CNTN5: variants seen among roughly 807,000 people sequenced by gnomAD.
CNTN5 encodes the protein contactin-5.
CNTN5 carries 77 observed loss-of-function variants against 129.1 expected under a neutral mutation model. That is an observed-to-expected ratio of 0.60 (90% CI 0.50 to 0.72). The LOEUF is 0.72. CNTN5 is among the 30% of genes least tolerant of loss of function. CNTN5 has a pLI of 0.00. For missense variants in CNTN5, 1,478 were observed against 1,328.8 expected, an observed-to-expected ratio of 1.11 and a Z score of -1.75; for synonymous variants, 509 against 465.6, an observed-to-expected ratio of 1.09 and a Z score of -1.20.
At chr11:99,746,744 G>A (rs768162352) in intron 3 of CNTN5, among the ~76,000 whole-genome samples, 18 of 152,134 alleles carry the variant, frequency 1.2e-4, no homozygotes, top group East Asian at 1.9e-4. Context: ...AATTGTCTTC[G>A]ACGAAACCAG....
intron 1 of CNTN5, among the ~76,000 whole-genome samples, chr11:99,144,955 A>T (rs1859704884): frequency 6.6e-6 from 1 of 151,936 alleles, no homozygotes; most frequent in South Asian, 2.1e-4. Flanking sequence ...ATTCCTTCAG[A>T]GGTGTCATGT....
At chr11:99,362,882 T>C (rs1414259860) in intron 2 of CNTN5, among the ~76,000 whole-genome samples, 1 of 150,706 alleles carries the variant, frequency 6.6e-6, no homozygotes, top group Non-Finnish European at 1.5e-5. Context: ...TCTGTAGGTC[T>C]GTACTTAGGA....
chr11:99,856,788 C>T lies in CNTN5; in HGVS notation c.577+11526C>T, dbSNP rs1456037039. On this transcript the variant is annotated intron_variant, in intron 6 of 24. Coordinates refer to ENST00000524871, the MANE Select transcript of CNTN5 (RefSeq NM_014361.4). ...TAAAGTTCACACTCCTACAAATGGC[C>T]TCAAGACCATTTATTATTTGGACTC... is the stretch of plus-strand genomic sequence containing the variant. Among the ~76,000 whole-genome samples, 3 of 152,130 alleles carry T rather than the reference C, an allele frequency of 2.0e-5. No individual in the cohort carries two copies. The East Asian group carries it at 5.8e-4, about 29-fold the overall frequency.
At chr11:100,241,693 G>A (rs1949744893) in intron 16 of CNTN5, among the ~76,000 whole-genome samples, 1 of 152,168 alleles carries the variant, frequency 6.6e-6, no homozygotes, top group South Asian at 2.1e-4. Context: ...CTTTGTATAA[G>A]GCTTGTGTGG....
At chr11:100,140,594 C>G (rs1285976316) in intron 13 of CNTN5, among the ~76,000 whole-genome samples, 1 of 151,896 alleles carries the variant, frequency 6.6e-6, no homozygotes, top group Non-Finnish European at 1.5e-5. Flanking sequence ...GTTTTAATTA[C>G]TAGTAAAGGA....
chr11:99,664,149 T>G (rs1952699329), intron 3 of CNTN5, among the ~76,000 whole-genome samples: 1 of 152,184 alleles, frequency 6.6e-6, no homozygotes, highest in African/African-American at 2.4e-5. Context: ...ACTGTGTTCA[T>G]TATATTCTTT....
intron 2 of CNTN5, among the ~76,000 whole-genome samples, chr11:99,475,985 G>A (rs1437446784): frequency 6.6e-6 from 1 of 151,842 alleles, no homozygotes; most frequent in Non-Finnish European, 1.5e-5. Flanking sequence ...TTTGCTTAAT[G>A]CAAATTCCTG....
At chr11:99,103,934 G>T (rs1317241004) in intron 1 of CNTN5, among the ~76,000 whole-genome samples, 1 of 152,126 alleles carries the variant, frequency 6.6e-6, no homozygotes, top group Non-Finnish European at 1.5e-5. Flanking sequence ...AAACACTGTG[G>T]CTTGGCTGAA....
At chr11:99,255,285 A>G (rs6589988) in intron 1 of CNTN5, among the ~76,000 whole-genome samples, 48,854 of 151,550 alleles carry the variant, frequency 0.32, 8,063 homozygotes, top group Middle Eastern at 0.36. Context: ...GTAATTAAGC[A>G]TATAGTTATT....
chr11:99,191,839 A>G (rs1188041838), intron 1 of CNTN5, among the ~76,000 whole-genome samples: 1 of 151,830 alleles, frequency 6.6e-6, no homozygotes, highest in Admixed American at 6.6e-5. Flanking sequence ...AGTTTATAGC[A>G]ATAAATGTCC....
intron 18 of CNTN5, among the ~76,000 whole-genome samples, chr11:100,280,165 A>G (rs1950604660): frequency 6.6e-6 from 1 of 151,946 alleles, no homozygotes; most frequent in Admixed American, 6.6e-5. Context: ...CAGTCATTGG[A>G]TAAAATGTTT....
intron 15 of CNTN5, among the ~76,000 whole-genome samples, chr11:100,197,657 C>T (rs1424146731): frequency 6.6e-6 from 1 of 151,910 alleles, no homozygotes; most frequent in Non-Finnish European, 1.5e-5. Context: ...CTGTGCTGAG[C>T]CACTGTTTTC....
At chr11:99,811,819 A>T (rs1301105829) in intron 3 of CNTN5, among the ~76,000 whole-genome samples, 4 of 152,128 alleles carry the variant, frequency 2.6e-5, no homozygotes. Context: ...ACTTTAACAC[A>T]TGCTCCCTAA....
intron 6 of CNTN5, among the ~76,000 whole-genome samples, chr11:99,888,929 A>C (rs1948972011): frequency 6.6e-6 from 1 of 152,192 alleles, no homozygotes; most frequent in Non-Finnish European, 1.5e-5. Context: ...CACAGTTTTG[A>C]GTTGTCAAGA....
chr11:99,085,496 A>T (rs560004910), intron 1 of CNTN5, among the ~76,000 whole-genome samples: 8 of 152,256 alleles, frequency 5.3e-5, no homozygotes, highest in Non-Finnish European at 1.2e-4. Flanking sequence ...GCCTTGTAAG[A>T]GTTTTTCTAA....
At chr11:99,687,373 C>T (rs1321009502) in intron 3 of CNTN5, among the ~76,000 whole-genome samples, 4 of 152,080 alleles carry the variant, frequency 2.6e-5, no homozygotes, top group Admixed American at 2.6e-4. Context: ...TCTGGGTAAA[C>T]ATAAAGTAGT....
chr11:99,231,699 C>A (rs1861008543), intron 1 of CNTN5, among the ~76,000 whole-genome samples: 1 of 151,948 alleles, frequency 6.6e-6, no homozygotes, highest in East Asian at 1.9e-4. Context: ...TTGCTTTTAA[C>A]ATTTTTGTCA....
chr11:100,029,038 A>G (rs770580), intron 9 of CNTN5, among the ~76,000 whole-genome samples: 15,115 of 152,152 alleles, frequency 0.099, 861 homozygotes, highest in Middle Eastern at 0.22. Flanking sequence ...AAACTTAAAG[A>G]CCAAGAGCCA....
chr11:99,732,838 T>TA (rs1555091239), intron 3 of CNTN5, among the ~76,000 whole-genome samples: 1 of 152,152 alleles, frequency 6.6e-6, no homozygotes, highest in East Asian at 1.9e-4. Context: ...AGCGACCAGT[T>TA]AAGATGCTGG....
Sources: allele counts gnomAD v4.1 joint callset (sites outside exome capture counted in the v4.1 genomes callset), GRCh38; gene constraint gnomAD v4.1.1; transcripts MANE v1.5; gene names NCBI Gene and HGNC (gene_info 2026-07-23, HGNC 2026-07-21).